PCDH9: variants seen among roughly 807,000 people sequenced by gnomAD.
PCDH9 encodes protocadherin-9.
PCDH9 carries 24 observed loss-of-function variants against 70.6 expected under a neutral mutation model. That is an observed-to-expected ratio of 0.34 (90% confidence interval 0.25 to 0.48). PCDH9 has a LOEUF of 0.48. PCDH9 is among the 20% of genes least tolerant of loss of function. The probability of loss-of-function intolerance (pLI) is 0.99; values close to 1 mark genes in which losing one functional copy is unlikely to be tolerated. For missense variants in PCDH9, 1,281 were observed against 1,503.6 expected (o/e 0.85, Z 2.45); for synonymous variants, 562 against 558.5 (o/e 1.01, Z -0.09).
chr13:66,690,397 G>C (rs969731702), intron 3 of PCDH9, among the ~76,000 whole-genome samples: 3 of 152,110 alleles, frequency 2.0e-5, no homozygotes, highest in African/African-American at 7.2e-5. Flanking sequence ...CTTCAGTGAT[G>C]ATTCAATTGT....
chr13:67,124,015 A>T (rs1208983741), intron 2 of PCDH9, among the ~76,000 whole-genome samples: 1 of 152,164 alleles, frequency 6.6e-6, no homozygotes, highest in Non-Finnish European at 1.5e-5. Flanking sequence ...TATTATGCCT[A>T]GCCATGACTG....
intron 3 of PCDH9, among the ~76,000 whole-genome samples, chr13:66,730,858 G>GTT (rs71106995): frequency 6.4e-5 from 3 of 46,662 alleles, no homozygotes; most frequent in South Asian, 2.4e-3. Context: ...TTTTGTTTTT[G>GTT]TTTTTTTGTG....
intron 2 of PCDH9, among the ~76,000 whole-genome samples, chr13:66,956,066 C>T (rs1195740379): frequency 2.0e-5 from 3 of 152,050 alleles, no homozygotes. Context: ...TGCACCATTG[C>T]ACCCCAGAAA....
chr13:66,675,810 A>G (rs1265984291), intron 3 of PCDH9, among the ~76,000 whole-genome samples: 5 of 152,136 alleles, frequency 3.3e-5, no homozygotes, highest in Admixed American at 2.0e-4. Flanking sequence ...TGGACTTTGT[A>G]GCTCTGTTGA....
At chr13:67,078,692 C>T (rs1318367042) in intron 2 of PCDH9, among the ~76,000 whole-genome samples, 1 of 152,126 alleles carries the variant, frequency 6.6e-6, no homozygotes, top group Admixed American at 6.6e-5. Context: ...AAACAATATT[C>T]CATGACCCCA....
intron 2 of PCDH9, among the ~76,000 whole-genome samples, chr13:67,120,964 A>G (rs993974185): frequency 6.6e-6 from 1 of 152,122 alleles, no homozygotes; most frequent in African/African-American, 2.4e-5. Flanking sequence ...TTCTATTGAG[A>G]AGAAGCATTC....
intron 4 of PCDH9, among the ~76,000 whole-genome samples, chr13:66,510,972 G>A (rs1266796050): frequency 6.6e-6 from 1 of 152,080 alleles, no homozygotes; most frequent in Non-Finnish European, 1.5e-5. Context: ...GGTAATGTTT[G>A]GAAGCCAAGA....
At chr13:66,811,565 TCCTC>T (rs901463292) in intron 3 of PCDH9, among the ~76,000 whole-genome samples, 16 of 151,474 alleles carry the variant, frequency 1.1e-4, no homozygotes, top group Admixed American at 3.3e-4. Context: ...TTTGATTCAT[TCCTC>T]CCTCCCTCCC....
chr13:66,556,333 A>C (rs1256122681), intron 4 of PCDH9, among the ~76,000 whole-genome samples: 4 of 152,124 alleles, frequency 2.6e-5, no homozygotes, highest in Non-Finnish European at 4.4e-5. Context: ...GACTAAGAAA[A>C]ATTGGCTACA....
At chr13:66,458,651 A>T (rs779411363) in intron 4 of PCDH9, among the ~76,000 whole-genome samples, 7 of 152,074 alleles carry the variant, frequency 4.6e-5, no homozygotes, top group Non-Finnish European at 1.0e-4. Context: ...CAGCACAATA[A>T]AATAGCACAT....
intron 3 of PCDH9, among the ~76,000 whole-genome samples, chr13:66,633,115 T>C (rs1029833063): frequency 1.3e-5 from 2 of 152,174 alleles, no homozygotes; most frequent in African/African-American, 4.8e-5. Flanking sequence ...GGAGTAGAGA[T>C]GATATCACTT....
chr13:66,661,081 C>T lies in PCDH9; in HGVS notation c.3139-29670G>A, dbSNP rs1183295244. On this transcript the variant is annotated intron_variant, in intron 3 of 4. Transcript: ENST00000377865. ...AAACAAAATAGTTAAAATAACGAAT[C>T]CCATTTTATTTTCTTTTTAAGAATT... Among the ~76,000 whole-genome samples, 5 of 152,012 alleles carry T rather than the reference C, an allele frequency of 3.3e-5. No homozygotes were observed. In the South Asian group the frequency reaches 1.0e-3, roughly 32 times the overall value.
chr13:66,477,440 CCTAAATTAT>C (rs1958752597), intron 4 of PCDH9, among the ~76,000 whole-genome samples: 2 of 152,020 alleles, frequency 1.3e-5, no homozygotes, highest in African/African-American at 4.8e-5. Flanking sequence ...TTTATGCTTA[CCTAAATTAT>C]ATGATATTTG....
At chr13:67,014,839 C>T (rs1368938903) in intron 2 of PCDH9, among the ~76,000 whole-genome samples, 1 of 152,082 alleles carries the variant, frequency 6.6e-6, no homozygotes, top group Non-Finnish European at 1.5e-5. Context: ...GTTCAAAGAC[C>T]TCTTTTGAGC....
intron 2 of PCDH9, among the ~76,000 whole-genome samples, chr13:67,142,185 C>T (rs528450115): frequency 5.3e-5 from 8 of 152,082 alleles, no homozygotes; most frequent in African/African-American, 7.2e-5. Context: ...GTTCTGCTAC[C>T]GTAAGTTTTT....
At chr13:66,717,979 G>C (rs1156536364) in intron 3 of PCDH9, among the ~76,000 whole-genome samples, 2 of 152,198 alleles carry the variant, frequency 1.3e-5, no homozygotes, top group Admixed American at 6.5e-5. Context: ...GCTATTCATA[G>C]CTTAACAACT....
chr13:66,534,915 C>A (rs1960627297), intron 4 of PCDH9, among the ~76,000 whole-genome samples: 1 of 152,012 alleles, frequency 6.6e-6, no homozygotes, highest in African/African-American at 2.4e-5. Flanking sequence ...TTATTAATAC[C>A]TGGCAGGCAT....
chr13:66,942,359 T>C (rs991942871), intron 2 of PCDH9, among the ~76,000 whole-genome samples: 1 of 151,818 alleles, frequency 6.6e-6, no homozygotes, highest in Non-Finnish European at 1.5e-5. Flanking sequence ...AAAATTGGCA[T>C]AACCAATATT....
intron 4 of PCDH9, among the ~76,000 whole-genome samples, chr13:66,429,033 T>G (rs1020280435): frequency 6.6e-6 from 1 of 151,878 alleles, no homozygotes; most frequent in African/African-American, 2.4e-5. Context: ...CATTGTAATA[T>G]GCATGTGATT....
Sources: gnomAD v4.1 joint callset for allele counts (sites outside exome capture counted in the v4.1 genomes callset) on GRCh38, gnomAD v4.1.1 for gene constraint, MANE v1.5 for transcripts, NCBI Gene and HGNC (gene_info 2026-07-23, HGNC 2026-07-21) for gene names.